CSMD1: variants seen among roughly 807,000 people sequenced by gnomAD.
CSMD1 encodes CUB and Sushi multiple domains 1, also known as CUB and sushi domain-containing protein 1.
CSMD1 carries 213 observed loss-of-function variants against 417.5 expected under a neutral mutation model. That is an observed-to-expected ratio of 0.51 (90% CI 0.46 to 0.57). The LOEUF (loss-of-function observed/expected upper bound fraction) is 0.57. Among genes scored for constraint, CSMD1 ranks in the 20% least tolerant of loss-of-function variants. The pLI, the probability that CSMD1 is intolerant of heterozygous loss-of-function variation, is 0.00. For synonymous variants in CSMD1, 2,862 were observed against 1,736.8 expected, an observed-to-expected ratio of 1.65 and a Z score of -16.11; for missense variants, 6,923 against 4,529.7, an observed-to-expected ratio of 1.53 and a Z score of -15.17.
intron 6 of CSMD1, among the ~76,000 whole-genome samples, chr8:3,711,004 T>A (rs1801477203): frequency 6.6e-6 from 1 of 152,144 alleles, no homozygotes; most frequent in African/African-American, 2.4e-5. Flanking sequence ...ACCTTGGACT[T>A]CCCAGTATCA....
At chr8:3,912,948 C>A (rs951799711) in intron 5 of CSMD1, among the ~76,000 whole-genome samples, 1 of 152,086 alleles carries the variant, frequency 6.6e-6, no homozygotes, top group African/African-American at 2.4e-5. Flanking sequence ...AGGGTGTGAA[C>A]ATGGATTGAG....
chr8:4,393,004 G>A (rs1803953841), intron 3 of CSMD1, among the ~76,000 whole-genome samples: 1 of 151,984 alleles, frequency 6.6e-6, no homozygotes, highest in South Asian at 2.1e-4. Flanking sequence ...GAGATGGAGT[G>A]TCACTCTGTC....
At chr8:4,807,834 G>A (rs1483542997) in intron 1 of CSMD1, among the ~76,000 whole-genome samples, 1 of 151,938 alleles carries the variant, frequency 6.6e-6, no homozygotes, top group Non-Finnish European at 1.5e-5. Context: ...AATAATAATA[G>A]CAAGCTATGT....
chr8:4,940,680 C>T (rs1807937564), intron 1 of CSMD1, among the ~76,000 whole-genome samples: 3 of 152,176 alleles, frequency 2.0e-5, no homozygotes, highest in Non-Finnish European at 4.4e-5. Context: ...AAACCAATAC[C>T]TTACAAGATC....
intron 3 of CSMD1, among the ~76,000 whole-genome samples, chr8:4,236,180 C>G (rs1563316909): frequency 6.6e-6 from 1 of 151,758 alleles, no homozygotes; most frequent in East Asian, 1.9e-4. Context: ...TGAAATGCCA[C>G]GGACAACACA....
At chr8:3,038,471 T>C (rs1221944720) in intron 50 of CSMD1, among the ~76,000 whole-genome samples, 2 of 152,248 alleles carry the variant, frequency 1.3e-5, no homozygotes, top group Non-Finnish European at 2.9e-5. Context: ...ACAGCATTTA[T>C]ATTACTGGTG....
chr8:4,729,904 C>A (rs181918162), intron 1 of CSMD1, among the ~76,000 whole-genome samples: 45 of 152,212 alleles, frequency 3.0e-4, no homozygotes, highest in Admixed American at 2.9e-3. Flanking sequence ...GAAACTTCAG[C>A]GGGAGTTTTG....
intron 3 of CSMD1, among the ~76,000 whole-genome samples, chr8:4,194,214 G>A (rs116453803): frequency 0.019 from 2,822 of 152,048 alleles, 103 homozygotes; most frequent in African/African-American, 0.063. Flanking sequence ...AATTTCTTTC[G>A]TCCAGCAATC....
chr8:4,894,807 G>A (rs1016625624), intron 1 of CSMD1, among the ~76,000 whole-genome samples: 1 of 151,760 alleles, frequency 6.6e-6, no homozygotes, highest in Non-Finnish European at 1.5e-5. Context: ...CCTCATGAAC[G>A]GACAACTTGA....
At chr8:4,476,111 T>G (rs1244975686) in intron 2 of CSMD1, among the ~76,000 whole-genome samples, 1 of 151,962 alleles carries the variant, frequency 6.6e-6, no homozygotes, top group Non-Finnish European at 1.5e-5. Context: ...TAGATTAAAT[T>G]TATAAACAAG....
At chr8:3,389,061 G>A (rs894372612) in intron 17 of CSMD1, among the ~76,000 whole-genome samples, 4 of 152,038 alleles carry the variant, frequency 2.6e-5, no homozygotes, top group Non-Finnish European at 5.9e-5. Flanking sequence ...TGTTGTTGTT[G>A]TTTACTTTTA....
intron 50 of CSMD1, among the ~76,000 whole-genome samples, chr8:3,035,198 T>C (rs1252603563): frequency 6.6e-6 from 1 of 152,094 alleles, no homozygotes; most frequent in East Asian, 1.9e-4. Context: ...CTGCCAGCAC[T>C]CCCCAGTCCC....
chr8:3,656,390 T>TC (rs1798107866), intron 7 of CSMD1, among the ~76,000 whole-genome samples: 1 of 151,970 alleles, frequency 6.6e-6, no homozygotes, highest in Non-Finnish European at 1.5e-5. Flanking sequence ...TGCTTTCTCT[T>TC]TTTTTTTCCT....
At position 4,432,846 on chromosome 8, in the gene CSMD1, T is replaced by G. The variant is rs78646962; in HGVS notation, c.303-12781A>C. ...TAGATTTCTTTAGCACTCTGTTGTA[T>G]ACCAAGGGTCTCCAACCGCGAGCCA... On this transcript the variant is annotated intron_variant, in intron 2 of 69. Transcript: ENST00000635120. Among the ~76,000 whole-genome samples the G allele has an allele frequency of 2.6e-5, 4 of 152,190 alleles. No individual in the cohort carries two copies. The East Asian group carries it at 7.7e-4, about 29-fold the overall frequency.
Position 4,595,520 on chromosome 8 carries a change from T to C in CSMD1, c.302+41822A>G, listed in dbSNP as rs369099518. ...GGTGGCAATTGTTTTTGCTTCATGC[T>C]AATGTCTACTGTAGACTAGCTCTGG... On this transcript the variant is annotated intron_variant, in intron 2 of 69. Coordinates refer to ENST00000635120, the MANE Select transcript of CSMD1 (RefSeq NM_033225.6). Among the ~76,000 whole-genome samples the C allele has an allele frequency of 2.0e-3, 302 of 152,246 alleles. 1 individual carries two copies. Among genetic ancestry groups the C allele is most frequent in the African/African-American group, 7.0e-3 (290 of 41,564 alleles).
chr8:3,392,879 A>C (rs1811433260), intron 17 of CSMD1, among the ~76,000 whole-genome samples: 1 of 152,138 alleles, frequency 6.6e-6, no homozygotes, highest in South Asian at 2.1e-4. Flanking sequence ...CAACCAGAAC[A>C]TCTGAGCTGG....
chr8:4,597,704 C>T (rs1800361516), intron 2 of CSMD1, among the ~76,000 whole-genome samples: 1 of 152,052 alleles, frequency 6.6e-6, no homozygotes, highest in Admixed American at 6.6e-5. Context: ...TCCTTTGGAC[C>T]ATCATGTTAT....
intron 23 of CSMD1, among the ~76,000 whole-genome samples, chr8:3,311,416 A>C (rs953854011): frequency 6.6e-6 from 1 of 151,944 alleles, no homozygotes; most frequent in Non-Finnish European, 1.5e-5. Flanking sequence ...CACCCAGCTA[A>C]TTTTTGTATT....
chr8:4,891,410 C>T (rs1037877176), intron 1 of CSMD1, among the ~76,000 whole-genome samples: 1 of 152,100 alleles, frequency 6.6e-6, no homozygotes, highest in African/African-American at 2.4e-5. Flanking sequence ...GTACATTGAG[C>T]TTTCATTCCT....
Sources: gnomAD v4.1 joint callset for allele counts (sites outside exome capture counted in the v4.1 genomes callset) on GRCh38, gnomAD v4.1.1 for gene constraint, MANE v1.5 for transcripts, NCBI Gene and HGNC (gene_info 2026-07-23, HGNC 2026-07-21) for gene names.